Variants in ZFHX3 observed in about 807,000 individuals in gnomAD.
ZFHX3 encodes zinc finger homeobox 3, also known as zinc finger homeobox protein 3.
Under a neutral mutation model 279.1 loss-of-function variants are expected in ZFHX3, and 42 were observed. The observed-to-expected ratio is 0.15, with a 90% CI of 0.12 to 0.19. The LOEUF is 0.19. Among genes scored for constraint, ZFHX3 ranks in the 10% least tolerant of loss-of-function variants. The pLI, the probability that ZFHX3 is intolerant of heterozygous loss-of-function variation, is 1.00. For missense variants in ZFHX3, 4,981 were observed against 4,754.0 expected, an observed-to-expected ratio of 1.05 and a Z score of -1.40; for synonymous variants, 2,293 against 1,957.8, an observed-to-expected ratio of 1.17 and a Z score of -4.52.
intron 4 of ZFHX3, among the ~76,000 whole-genome samples, chr16:73,263,092 A>C (rs28705713): frequency 0.1 from 15,350 of 152,216 alleles, 1,257 homozygotes; most frequent in East Asian, 0.48. Flanking sequence ...TTGTTGTTTT[A>C]AGTCTGGAGT....
chr16:73,635,750 A>C (rs1268655984), intron 2 of ZFHX3, among the ~76,000 whole-genome samples: 1 of 152,118 alleles, frequency 6.6e-6, no homozygotes, highest in Non-Finnish European at 1.5e-5. Flanking sequence ...CATCTCCATC[A>C]AATATTCTCC....
At chr16:73,266,669 A>G (rs998020564) in intron 4 of ZFHX3, among the ~76,000 whole-genome samples, 1 of 152,192 alleles carries the variant, frequency 6.6e-6, no homozygotes, top group Non-Finnish European at 1.5e-5. Flanking sequence ...CACATGTCAT[A>G]GGAGGGAACT....
At chr16:73,073,943 C>G (rs540340980) in intron 8 of ZFHX3, among the ~76,000 whole-genome samples, 5 of 152,322 alleles carry the variant, frequency 3.3e-5, no homozygotes, top group African/African-American at 1.2e-4. Flanking sequence ...ATTTATGGAG[C>G]CACTGCTAAA....
chr16:73,886,837 C>G (rs966677399), intron 1 of ZFHX3, among the ~76,000 whole-genome samples: 3 of 152,138 alleles, frequency 2.0e-5, no homozygotes, highest in Admixed American at 6.6e-5. Flanking sequence ...AACACAGTAT[C>G]CTTAGCAACT....
At chr16:73,383,415 A>C (rs1455721428) in intron 3 of ZFHX3, among the ~76,000 whole-genome samples, 1 of 152,192 alleles carries the variant, frequency 6.6e-6, no homozygotes, top group Non-Finnish European at 1.5e-5. Context: ...CTCCGTGCAG[A>C]GCCTCCGCTT....
chr16:73,176,986 C>G (rs1967680448), intron 5 of ZFHX3, among the ~76,000 whole-genome samples: 1 of 152,128 alleles, frequency 6.6e-6, no homozygotes, highest in Admixed American at 6.6e-5. Flanking sequence ...ATTTCATCAG[C>G]ACATTGGAGG....
intron 2 of ZFHX3, among the ~76,000 whole-genome samples, chr16:73,634,926 T>C (rs1442323086): frequency 6.6e-6 from 1 of 152,126 alleles, no homozygotes; most frequent in Admixed American, 6.5e-5. Flanking sequence ...CTAAAATTAC[T>C]TCTAAGTAAA....
chr16:73,788,330 C>G (rs1174966055), intron 1 of ZFHX3, among the ~76,000 whole-genome samples: 1 of 152,116 alleles, frequency 6.6e-6, no homozygotes, highest in East Asian at 1.9e-4. Flanking sequence ...AAGGTCATCC[C>G]CTGGGCTTGG....
intron 2 of ZFHX3, among the ~76,000 whole-genome samples, chr16:73,669,090 G>C (rs968566267): frequency 1.5e-5 from 2 of 137,840 alleles, no homozygotes; most frequent in Non-Finnish European, 3.1e-5. Context: ...TTTAAGCTCT[G>C]TCGGCCAGGC....
At chr16:73,421,787 T>A (rs1255177403) in intron 3 of ZFHX3, among the ~76,000 whole-genome samples, 1 of 152,128 alleles carries the variant, frequency 6.6e-6, no homozygotes, top group Non-Finnish European at 1.5e-5. Flanking sequence ...GGGGATGGGT[T>A]TGTTGGTCAG....
chr16:73,432,971 A>G (rs544910859), intron 3 of ZFHX3, among the ~76,000 whole-genome samples: 1 of 152,268 alleles, frequency 6.6e-6, no homozygotes, highest in East Asian at 1.9e-4. Flanking sequence ...TCACTCTACT[A>G]GCTCCCAACG....
chr16:73,575,077 G>A (rs2051785941), intron 2 of ZFHX3, among the ~76,000 whole-genome samples: 1 of 152,154 alleles, frequency 6.6e-6, no homozygotes, highest in Non-Finnish European at 1.5e-5. Context: ...TAAGCCAGTG[G>A]CGCACAGTTT....
intron 5 of ZFHX3, among the ~76,000 whole-genome samples, chr16:73,181,091 T>TTCG (rs1567411726): frequency 8.1e-5 from 8 of 98,558 alleles, no homozygotes; most frequent in African/African-American, 3.4e-4. Context: ...GTTTGTTTTG[T>TTCG]TTTGTTTTGT....
chr16:73,740,770 A>G (rs1262724456), intron 1 of ZFHX3, among the ~76,000 whole-genome samples: 3 of 152,200 alleles, frequency 2.0e-5, no homozygotes, highest in Non-Finnish European at 4.4e-5. Context: ...TCTCGAGTCC[A>G]TGGTAAATGT....
intron 4 of ZFHX3, among the ~76,000 whole-genome samples, chr16:73,276,177 CTT>C (rs529830146): frequency 0.037 from 4,990 of 135,022 alleles, 253 homozygotes; most frequent in African/African-American, 0.13. Context: ...CTTTTTCTTT[CTT>C]TTTTTTTTTT....
intron 3 of ZFHX3, among the ~76,000 whole-genome samples, chr16:73,347,946 G>C (rs1049105815): frequency 1.2e-4 from 19 of 152,148 alleles, no homozygotes; most frequent in African/African-American, 4.6e-4. Context: ...GAAAACTTTT[G>C]ATATTTAAGT....
intron 1 of ZFHX3, among the ~76,000 whole-genome samples, chr16:73,746,172 C>A (rs568091724): frequency 6.4e-4 from 97 of 152,206 alleles, no homozygotes; most frequent in Non-Finnish European, 1.1e-3. Flanking sequence ...ATTATTGCAT[C>A]AATCCTGCCG....
chr16:73,778,086 AT>A (rs1298148549), intron 1 of ZFHX3, among the ~76,000 whole-genome samples: 1 of 152,048 alleles, frequency 6.6e-6, no homozygotes, highest in Non-Finnish European at 1.5e-5. Context: ...CAAAATAAAT[AT>A]TTTTTAAAAG....
chr16:73,690,782 A>G (rs7190511), intron 1 of ZFHX3, among the ~76,000 whole-genome samples: 17,572 of 152,260 alleles, frequency 0.12, 1,086 homozygotes, highest in African/African-American at 0.13. Flanking sequence ...TGGCCCAGCC[A>G]ACAGCCATCC....
Sources: gnomAD v4.1 joint callset for allele counts (sites outside exome capture counted in the v4.1 genomes callset) on GRCh38, gnomAD v4.1.1 for gene constraint, MANE v1.5 for transcripts, NCBI Gene and HGNC (gene_info 2026-07-23, HGNC 2026-07-21) for gene names.